Variants in COL8A1 observed in about 807,000 individuals in gnomAD.
The protein encoded by COL8A1 is collagen type VIII alpha 1 chain, also known as collagen alpha-1(VIII) chain.
COL8A1 carries 21 observed loss-of-function variants against 42.7 expected under a neutral mutation model. The ratio of observed to expected loss-of-function variants is 0.49; its 90% confidence interval spans 0.35 to 0.71. The LOEUF (loss-of-function observed/expected upper bound fraction) is 0.71. COL8A1 is among the 30% of genes least tolerant of loss of function. The pLI is 0.01. For synonymous variants in COL8A1, 367 were observed against 369.1 expected, an observed-to-expected ratio of 0.99 and a Z score of 0.06; for missense variants, 788 against 962.4, an observed-to-expected ratio of 0.82 and a Z score of 2.40.
intron 2 of COL8A1, among the ~76,000 whole-genome samples, chr3:99,776,094 G>A (rs551132716): frequency 1.3e-5 from 2 of 152,108 alleles, no homozygotes; most frequent in Non-Finnish European, 2.9e-5. Flanking sequence ...ACAAGAAGTT[G>A]GCCCCTGAAC....
intron 1 of COL8A1, among the ~76,000 whole-genome samples, chr3:99,724,496 T>C (rs192593972): frequency 5.9e-5 from 9 of 152,246 alleles, no homozygotes; most frequent in African/African-American, 2.2e-4. Context: ...CCTGGAAGAC[T>C]ATCAAGTTCA....
chr3:99,679,934 C>T (rs1938817196), intron 1 of COL8A1: 1 of 152,162 alleles, frequency 6.6e-6, no homozygotes, highest in African/African-American at 2.4e-5. Flanking sequence ...GCAACTGTTA[C>T]TTCAACCATC....
intron 1 of COL8A1, among the ~76,000 whole-genome samples, chr3:99,642,209 C>G (rs572254210): frequency 9.9e-5 from 15 of 152,198 alleles, no homozygotes; most frequent in African/African-American, 3.4e-4. Flanking sequence ...CAGAGAAAAG[C>G]TGCTAATGAG....
At chr3:99,659,569 T>C (rs971764187) in intron 1 of COL8A1, among the ~76,000 whole-genome samples, 6 of 152,192 alleles carry the variant, frequency 3.9e-5, no homozygotes, top group Admixed American at 1.3e-4. Context: ...TTTTGTATTA[T>C]TGACAAAGAA....
intron 1 of COL8A1, among the ~76,000 whole-genome samples, chr3:99,652,419 T>G (rs1001553753): frequency 2.0e-5 from 3 of 152,218 alleles, no homozygotes; most frequent in African/African-American, 7.2e-5. Flanking sequence ...AATTTACACA[T>G]AAGGCAGTAG....
At chr3:99,779,516 C>G (rs1352993178) in intron 2 of COL8A1, among the ~76,000 whole-genome samples, 1 of 152,178 alleles carries the variant, frequency 6.6e-6, no homozygotes, top group East Asian at 1.9e-4. Context: ...AATTTCAAAG[C>G]CAAAGCCCTT....
chr3:99,784,583 G>C (rs1030401499), intron 2 of COL8A1, among the ~76,000 whole-genome samples: 1 of 152,138 alleles, frequency 6.6e-6, no homozygotes, highest in African/African-American at 2.4e-5. Context: ...ACTGAGTGCT[G>C]TAGGCAACTG....
chr3:99,711,958 T>C (rs988068133), intron 1 of COL8A1, among the ~76,000 whole-genome samples: 2 of 152,166 alleles, frequency 1.3e-5, no homozygotes, highest in African/African-American at 4.8e-5. Context: ...GTAATACTCT[T>C]GGTTTGTGAC....
chr3:99,661,162 A>C (rs1938191109), intron 1 of COL8A1, among the ~76,000 whole-genome samples: 1 of 152,248 alleles, frequency 6.6e-6, no homozygotes, highest in Admixed American at 6.5e-5. Context: ...CAGAATAACA[A>C]GACAGATGAT....
chr3:99,751,022 C>G (rs1559626856), intron 2 of COL8A1, among the ~76,000 whole-genome samples: 1 of 152,006 alleles, frequency 6.6e-6, no homozygotes, highest in African/African-American at 2.4e-5. Flanking sequence ...CTCAGTGATC[C>G]TAAAAAGTGA....
intron 1 of COL8A1, among the ~76,000 whole-genome samples, chr3:99,718,412 C>T (rs1940060985): frequency 6.6e-6 from 1 of 152,010 alleles, no homozygotes; most frequent in Non-Finnish European, 1.5e-5. Context: ...TCCAACCATT[C>T]TTAGTTAAGT....
chr3:99,683,585 G>A (rs1938956858), intron 1 of COL8A1, among the ~76,000 whole-genome samples: 1 of 152,040 alleles, frequency 6.6e-6, no homozygotes, highest in South Asian at 2.1e-4. Context: ...AGCTCTTGAG[G>A]GACACGATAA....
chr3:99,753,552 G>A (rs183018686), intron 2 of COL8A1, among the ~76,000 whole-genome samples: 39 of 152,314 alleles, frequency 2.6e-4, no homozygotes, highest in Non-Finnish European at 4.9e-4. Flanking sequence ...CGCTGCAGCT[G>A]AAGTCACATG....
chr3:99,673,199 G>T (rs1938598051), intron 1 of COL8A1, among the ~76,000 whole-genome samples: 1 of 151,874 alleles, frequency 6.6e-6, no homozygotes, highest in African/African-American at 2.4e-5. Flanking sequence ...ATTAAGAAAT[G>T]CTTTGTAAGT....
chr3:99,669,151 G>GTATATATATATATATATATA (rs1559773186), intron 1 of COL8A1, among the ~76,000 whole-genome samples: 1 of 114,048 alleles, frequency 8.8e-6, no homozygotes, highest in African/African-American at 3.4e-5. Flanking sequence ...ATATATAGAG[G>GTATATATATATATATATATA]GAGAGAGAGA....
At chr3:99,673,402 T>A (rs984415063) in intron 1 of COL8A1, among the ~76,000 whole-genome samples, 1 of 152,040 alleles carries the variant, frequency 6.6e-6, no homozygotes, top group Admixed American at 6.6e-5. Context: ...GACTTGGATA[T>A]TAGGGACATT....
rs903715627 is a variant in COL8A1, at chr3:99,757,931, T to C, written c.-4+12910T>C. Reference sequence around the variant, plus strand: ...TTGAGATCTTTGAATCTAAAACCTTTTAAAATTTGTATAAGTTATTCTAAA... The same window carrying C: ...TTGAGATCTTTGAATCTAAAACCTTCTAAAATTTGTATAAGTTATTCTAAA... On this transcript the variant is annotated intron_variant, in intron 2 of 3. Coordinates refer to ENST00000652472, the MANE Select transcript of COL8A1 (RefSeq NM_020351.4). Among the ~76,000 whole-genome samples, 4 of 152,302 alleles carry C rather than the reference T, an allele frequency of 2.6e-5. No homozygotes were observed. The South Asian group carries it at 6.2e-4, about 24-fold the overall frequency.
chr3:99,773,837 A>ATATATTATATATATATATATATATATT (rs1200212756), intron 2 of COL8A1, among the ~76,000 whole-genome samples: 3 of 45,398 alleles, frequency 6.6e-5, no homozygotes, highest in African/African-American at 1.3e-4. Flanking sequence ...ATATATATAT[A>ATATATTATATATATATATATATATATT]TTTTTTTTTT....
In COL8A1 at chr3:99,646,788, T is replaced by C. The variant is rs72932332; in HGVS notation, c.-129+8124T>C. Reference sequence around the variant, plus strand: ...AAGTGGAAAGTAAAAAAACAAATAATAATTAGAAAATGGCTTAAAGAGTCT... The same window carrying C: ...AAGTGGAAAGTAAAAAAACAAATAACAATTAGAAAATGGCTTAAAGAGTCT... On this transcript the variant is annotated intron_variant, in intron 1 of 3. Transcript: ENST00000652472. Among the ~76,000 whole-genome samples, 1,382 of 152,270 alleles carry C rather than the reference T, an allele frequency of 9.1e-3. 21 individuals are homozygous for C. The highest frequency in any genetic ancestry group is 0.031 in the African/African-American group (1,299 of 41,564).
Sources: allele counts gnomAD v4.1 joint callset (sites outside exome capture counted in the v4.1 genomes callset), GRCh38; gene constraint gnomAD v4.1.1; transcripts MANE v1.5; gene names NCBI Gene and HGNC (gene_info 2026-07-23, HGNC 2026-07-21).